PTP4A1: variants seen among roughly 807,000 people sequenced by gnomAD.
PTP4A1 encodes protein tyrosine phosphatase 4A1.
PTP4A1 carries 9 observed loss-of-function variants against 20.5 expected under a neutral mutation model. That is an observed-to-expected ratio of 0.44 (90% CI 0.26 to 0.77). The LOEUF (loss-of-function observed/expected upper bound fraction) is 0.77, where lower values mean the gene tolerates loss of function less well. PTP4A1 is among the 30% of genes least tolerant of loss of function. The probability of loss-of-function intolerance (pLI) is 0.19; values close to 1 mark genes in which losing one functional copy is unlikely to be tolerated. For missense variants in PTP4A1, 137 were observed against 218.8 expected (o/e 0.63, Z 2.36); for synonymous variants, 78 against 67.4 (o/e 1.16, Z -0.77).
chr6:63,567,590 T>C (rs561470356), upstream of PTP4A1, among the ~76,000 whole-genome samples: 36 of 152,184 alleles, frequency 2.4e-4, no homozygotes, highest in Non-Finnish European at 4.7e-4. Flanking sequence ...GCAGAGTAGA[T>C]TTAGCATAAT....
chr6:63,534,488 T>C (rs76085900), intron 2 of PTP4A1, among the ~76,000 whole-genome samples: 5 of 133,434 alleles, frequency 3.7e-5, no homozygotes, highest in Admixed American at 7.5e-5. Context: ...CACACACACC[T>C]CTAAAACTGG....
rs1171014538 is a variant in PTP4A1 at position 63,583,405 on chromosome 6, C to T, written c.*3231C>T. 1 of 152,108 alleles carries T rather than the reference C, an allele frequency of 6.6e-6. No individual in the cohort carries two copies. The highest frequency in any genetic ancestry group is 1.5e-5 in the Non-Finnish European group (1 of 68,042). 9.4% of individuals were successfully genotyped at this position (152,108 alleles called of 1,614,324 possible). ...TTAAAAGTGACATTTAATGTTTCTC[C>T]ATTACGTTTGGGGTAACCAGCCTAA... On this transcript the variant is annotated 3_prime_UTR_variant, in exon 6 of 6. Coordinates refer to ENST00000626021, the MANE Select transcript of PTP4A1 (RefSeq NM_003463.5).
chr6:63,549,029 G>A (rs761729375), intron 2 of PTP4A1: 17 of 727,606 alleles, frequency 2.3e-5, no homozygotes, highest in South Asian at 8.6e-5. Context: ...TGGGATCCAC[G>A]TCGTGTGCAA....
chr6:63,580,347 A>G lies in PTP4A1; in HGVS notation c.*173A>G. On this transcript the variant is annotated 3_prime_UTR_variant, in exon 6 of 6. Coordinates refer to ENST00000626021, the MANE Select transcript of PTP4A1 (RefSeq NM_003463.5). ...ATTTGGCAACCTCTGTATTTGGGTTACAGTCAACCTATTTGGATACTTGGC... is the reference window on the plus strand; with the variant it reads ...ATTTGGCAACCTCTGTATTTGGGTTGCAGTCAACCTATTTGGATACTTGGC... 1.7e-6 allele frequency: 1 copy of G among 572,724 alleles called. No individual in the cohort carries two copies. The highest frequency in any genetic ancestry group is 2.4e-5 in the South Asian group (1 of 42,444). 35.5% of individuals were successfully genotyped at this position (572,724 alleles called of 1,614,324 possible).
At chr6:63,542,091 C>A (rs1004378501) in intron 2 of PTP4A1, among the ~76,000 whole-genome samples, 1 of 150,000 alleles carries the variant, frequency 6.7e-6, no homozygotes, top group Non-Finnish European at 1.5e-5. Context: ...ACTACTCAGC[C>A]ATAAAAAGGA....
intron 3 of PTP4A1, among the ~76,000 whole-genome samples, chr6:63,562,372 T>C (rs903847948): frequency 2.0e-5 from 3 of 152,128 alleles, no homozygotes; most frequent in Admixed American, 2.0e-4. Flanking sequence ...GCTAATTTTG[T>C]ATTTTTAGTA....
intron 1 of PTP4A1, among the ~76,000 whole-genome samples, chr6:63,527,527 A>T (rs1027596187): frequency 1.3e-5 from 2 of 152,184 alleles, no homozygotes; most frequent in South Asian, 4.1e-4. Flanking sequence ...TGTGCTTTAT[A>T]CTGTGTCCAC....
chr6:63,530,850 C>T (rs1276235270), intron 2 of PTP4A1, among the ~76,000 whole-genome samples: 1 of 151,998 alleles, frequency 6.6e-6, no homozygotes, highest in Non-Finnish European at 1.5e-5. Context: ...CTTAAAACAT[C>T]CAAATTGATA....
At chr6:63,530,908 G>A (rs916044295) in intron 2 of PTP4A1, among the ~76,000 whole-genome samples, 1 of 152,108 alleles carries the variant, frequency 6.6e-6, no homozygotes, top group East Asian at 1.9e-4. Flanking sequence ...GTAATGATTA[G>A]AATGGTTTCC....
At chr6:63,577,800 GC>G in intron 2 of PTP4A1, among the ~76,000 whole-genome samples, 1 of 151,460 alleles carries the variant, frequency 6.6e-6, no homozygotes, top group South Asian at 2.1e-4. Context: ...GAGCCACCAC[GC>G]CTGGCTGGGA....
rs1265366884 is a variant in PTP4A1, at chr6:63,580,312, A to T, written c.*138A>T. On this transcript the variant is annotated 3_prime_UTR_variant, in exon 6 of 6. Coordinates refer to ENST00000626021, the MANE Select transcript of PTP4A1 (RefSeq NM_003463.5). Reference sequence around the variant, plus strand: ...TGAAAGGCAGTTTTACCAGGCCTCAAGCTAGACAGATTTGGCAACCTCTGT... The same window carrying T: ...TGAAAGGCAGTTTTACCAGGCCTCATGCTAGACAGATTTGGCAACCTCTGT... The T allele has an allele frequency of 1.4e-6, 1 of 705,456 alleles. No homozygotes were observed. Among genetic ancestry groups the T allele is most frequent in the Non-Finnish European group, 2.4e-6 (1 of 416,480 alleles). The allele number at this position is 705,456 out of a possible 1,614,324, so 43.7% of individuals were successfully genotyped here. A position where few individuals can be genotyped will look rare whatever the true frequency, so the allele number is the denominator to read the frequency against.
intron 3 of PTP4A1, among the ~76,000 whole-genome samples, chr6:63,550,660 T>C (rs1776398304): frequency 6.6e-6 from 1 of 152,204 alleles, no homozygotes; most frequent in Non-Finnish European, 1.5e-5. Flanking sequence ...GGTCTCCCTC[T>C]GTTGCCCAGG....
intron 2 of PTP4A1, among the ~76,000 whole-genome samples, chr6:63,534,220 TA>T (rs200887778): frequency 2.0e-3 from 305 of 151,468 alleles, no homozygotes; most frequent in Non-Finnish European, 3.1e-3. Flanking sequence ...CAATTACGTT[TA>T]AAAAAAAAGT....
chr6:63,577,894 T>G (rs1777972666), intron 2 of PTP4A1, among the ~76,000 whole-genome samples: 1 of 149,840 alleles, frequency 6.7e-6, no homozygotes, highest in Admixed American at 6.7e-5. Flanking sequence ...TAATAGTATA[T>G]TATATTAGTA....
intron 3 of PTP4A1, among the ~76,000 whole-genome samples, chr6:63,560,601 G>A (rs1779784): frequency 5.9e-5 from 9 of 151,800 alleles, no homozygotes; most frequent in African/African-American, 1.2e-4. Context: ...ATGGGTTTTC[G>A]CCATGTTGGC....
At chr6:63,522,277 G>A (rs967094234) in intron 1 of PTP4A1, among the ~76,000 whole-genome samples, 1 of 152,114 alleles carries the variant, frequency 6.6e-6, no homozygotes, top group South Asian at 2.1e-4. Context: ...TTTGAATTTA[G>A]ATGAATTATT....
intron 2 of PTP4A1, among the ~76,000 whole-genome samples, chr6:63,541,815 C>T (rs1775988098): frequency 6.6e-6 from 1 of 152,194 alleles, no homozygotes; most frequent in African/African-American, 2.4e-5. Flanking sequence ...AACCTCCTTA[C>T]ACCCTTAATG....
chr6:63,549,503 C>T (rs754148068), intron 2 of PTP4A1: 18 of 748,178 alleles, frequency 2.4e-5, no homozygotes, highest in African/African-American at 5.2e-5. Flanking sequence ...TCTTTCCTTT[C>T]GGCAGGAGGA....
At chr6:63,528,368 G>A (rs960724216) in intron 2 of PTP4A1, among the ~76,000 whole-genome samples, 3 of 152,018 alleles carry the variant, frequency 2.0e-5, no homozygotes, top group Non-Finnish European at 2.9e-5. Flanking sequence ...GGCTGAGGTG[G>A]GAGAATCGCT....
Sources: gnomAD v4.1 joint callset for allele counts (sites outside exome capture counted in the v4.1 genomes callset) on GRCh38, gnomAD v4.1.1 for gene constraint, MANE v1.5 for transcripts, NCBI Gene and HGNC (gene_info 2026-07-23, HGNC 2026-07-21) for gene names.